The following EEFSEC variants were observed in gnomAD, a reference collection of about 807,000 sequenced individuals.
The protein encoded by EEFSEC is selenocysteine-specific elongation factor.
EEFSEC carries 43 observed loss-of-function variants against 42.1 expected under a neutral mutation model. The ratio of observed to expected loss-of-function variants is 1.02; its 90% confidence interval spans 0.80 to 1.32. The LOEUF is 1.32. Ranked by LOEUF, EEFSEC falls within the 40% of genes most tolerant of loss-of-function variation. The pLI, the probability that EEFSEC is intolerant of heterozygous loss-of-function variation, is 0.00. For synonymous variants in EEFSEC, 354 were observed against 339.1 expected, an observed-to-expected ratio of 1.04 and a Z score of -0.48; for missense variants, 745 against 803.6, an observed-to-expected ratio of 0.93 and a Z score of 0.88.
intron 6 of EEFSEC, among the ~76,000 whole-genome samples, chr3:128,361,049 G>T (rs902751767): frequency 4.6e-5 from 7 of 152,178 alleles, no homozygotes; most frequent in African/African-American, 1.7e-4. Flanking sequence ...GACATGCAGG[G>T]TGGGGAAGCC....
chr3:128,416,981 G>T, the EEFSEC span, among the ~76,000 whole-genome samples: 4 of 152,094 alleles, frequency 2.6e-5, no homozygotes, highest in Admixed American at 2.6e-4. Context: ...CGTGGTGGGT[G>T]CGGTCAGCCA....
intron 1 of EEFSEC, among the ~76,000 whole-genome samples, chr3:128,171,123 G>T (rs760359592): frequency 1.3e-5 from 2 of 152,176 alleles, no homozygotes; most frequent in African/African-American, 2.4e-5. Flanking sequence ...GTGCACAAGA[G>T]GGCAGTATTT....
chr3:128,391,373 C>T (rs2067911031), intron 6 of EEFSEC, among the ~76,000 whole-genome samples: 1 of 152,264 alleles, frequency 6.6e-6, no homozygotes, highest in Non-Finnish European at 1.5e-5. Context: ...GAGCCCCACA[C>T]CTGGGTTGGG....
At chr3:128,215,239 C>T (rs992503408) in intron 1 of EEFSEC, among the ~76,000 whole-genome samples, 1 of 152,132 alleles carries the variant, frequency 6.6e-6, no homozygotes, top group Admixed American at 6.5e-5. Context: ...GGGGGTGAAG[C>T]TCCTTTTGTG....
chr3:128,336,875 C>G (rs1284512966), intron 4 of EEFSEC: 1 of 152,196 alleles, frequency 6.6e-6, no homozygotes, highest in Non-Finnish European at 1.5e-5. Context: ...CTAAAACTAT[C>G]TGTTTTGCTC....
At chr3:128,307,154 T>G (rs2066836902) in intron 4 of EEFSEC, among the ~76,000 whole-genome samples, 1 of 152,228 alleles carries the variant, frequency 6.6e-6, no homozygotes, top group African/African-American at 2.4e-5. Flanking sequence ...ACATGGGGCC[T>G]TGCCTGCCCC....
At chr3:128,200,549 A>G (rs553639655) in intron 1 of EEFSEC, among the ~76,000 whole-genome samples, 132 of 152,180 alleles carry the variant, frequency 8.7e-4, no homozygotes, top group Admixed American at 3.8e-3. Flanking sequence ...CGGCCTCCCA[A>G]AGTGCTGGGA....
At chr3:128,387,637 C>T (rs540047303) in intron 6 of EEFSEC, among the ~76,000 whole-genome samples, 139 of 152,214 alleles carry the variant, frequency 9.1e-4, no homozygotes, top group South Asian at 5.6e-3. Flanking sequence ...TGGACTGGCA[C>T]GAAGAAGGAT....
In EEFSEC at chr3:128,392,227, C is replaced by T. The variant is rs1025865936; in HGVS notation, c.1601-15842C>T. On this transcript the variant is annotated intron_variant, in intron 6 of 6. Coordinates refer to ENST00000254730, the MANE Select transcript of EEFSEC (RefSeq NM_021937.5). The stretch of plus-strand genomic sequence containing the variant: ...GCAGAAGAGACCCGCACCAGCCCCC[C>T]GTGAGGGCAGCAGACATTGCAGATG... 7.9e-5 allele frequency among the ~76,000 whole-genome samples: 12 copies of T among 152,322 alleles called. No homozygotes were observed. In the East Asian group the frequency reaches 1.9e-3, roughly 25 times the overall value.
In EEFSEC at chr3:128,153,690, C is replaced by T; in HGVS notation, c.183C>T (p.Pro61=). The T allele has an allele frequency of 6.3e-7, 1 of 1,590,634 alleles. No individual in the cohort carries two copies. The highest frequency in any genetic ancestry group is 8.5e-7 in the Non-Finnish European group (1 of 1,176,086). ...LGFSCFSVPL[P]ARLRSSLPEF... ...TCTCGTGCTTCTCGGTGCCGCTGCC[C>T]GCGCGCCTGCGGTCGTCTTTGCCCG... The change falls in exon 1 of 7, where the codon CCC becomes CCT. Residue 61 remains proline, a synonymous_variant. Coordinates refer to ENST00000254730, the MANE Select transcript of EEFSEC (RefSeq NM_021937.5).
intron 4 of EEFSEC, among the ~76,000 whole-genome samples, chr3:128,332,652 T>C (rs961158872): frequency 2.0e-5 from 3 of 152,188 alleles, no homozygotes; most frequent in African/African-American, 7.2e-5. Context: ...GGTTTCACCA[T>C]GTTGGCCAGG....
At chr3:128,191,632 T>C (rs923391701) in intron 1 of EEFSEC, among the ~76,000 whole-genome samples, 5 of 152,120 alleles carry the variant, frequency 3.3e-5, no homozygotes, top group African/African-American at 4.8e-5. Flanking sequence ...TTCTCCCTAC[T>C]CCCAGCCCCT....
chr3:128,292,397 C>T (rs938489204), intron 4 of EEFSEC, among the ~76,000 whole-genome samples: 1 of 151,814 alleles, frequency 6.6e-6, no homozygotes, highest in Admixed American at 6.6e-5. Flanking sequence ...GTTGGTATCA[C>T]TTCTTGCTTT....
chr3:128,386,862 G>T (rs1559952647), intron 6 of EEFSEC, among the ~76,000 whole-genome samples: 1 of 152,184 alleles, frequency 6.6e-6, no homozygotes. Context: ...ACTCATGAGG[G>T]ATCCGTGCCC....
intron 1 of EEFSEC, among the ~76,000 whole-genome samples, chr3:128,155,845 T>C (rs1944372583): frequency 6.6e-6 from 1 of 152,152 alleles, no homozygotes; most frequent in Admixed American, 6.5e-5. Flanking sequence ...GAAATAGAAG[T>C]TTGAAGAAGT....
intron 6 of EEFSEC, among the ~76,000 whole-genome samples, chr3:128,406,747 A>G (rs1364399559): frequency 6.6e-6 from 1 of 152,014 alleles, no homozygotes; most frequent in Non-Finnish European, 1.5e-5. Flanking sequence ...CAGGAGGCAG[A>G]GGTTGTAGTG....
chr3:128,420,572 C>T, the EEFSEC span, among the ~76,000 whole-genome samples: 1 of 152,220 alleles, frequency 6.6e-6, no homozygotes, highest in African/African-American at 2.4e-5. Flanking sequence ...GCCCATCAGG[C>T]CTCTACCACC....
intron 2 of EEFSEC, among the ~76,000 whole-genome samples, chr3:128,257,994 A>G (rs919563934): frequency 1.2e-4 from 18 of 152,352 alleles, no homozygotes; most frequent in African/African-American, 4.3e-4. Context: ...CCATTTAGAT[A>G]GTGGCATGAA....
At chr3:128,204,797 C>T (rs539628009) in intron 1 of EEFSEC, among the ~76,000 whole-genome samples, 21 of 152,262 alleles carry the variant, frequency 1.4e-4, no homozygotes, top group African/African-American at 5.1e-4. Context: ...CAGTGAGACC[C>T]TCCCAAGTTG....
Sources: gnomAD v4.1 joint callset for allele counts (sites outside exome capture counted in the v4.1 genomes callset) on GRCh38, gnomAD v4.1.1 for gene constraint, MANE v1.5 for transcripts, NCBI Gene and HGNC (gene_info 2026-07-23, HGNC 2026-07-21) for gene names.